The following USP43 variants were observed in gnomAD, a reference collection of about 807,000 sequenced individuals.
The protein encoded by USP43 is ubiquitin specific peptidase 43, also known as ubiquitin carboxyl-terminal hydrolase 43.
Under a neutral mutation model 90.7 loss-of-function variants are expected in USP43, and 33 were observed. The ratio of observed to expected loss-of-function variants is 0.36; its 90% CI spans 0.28 to 0.49. The LOEUF (loss-of-function observed/expected upper bound fraction) is 0.49, where lower values mean the gene tolerates loss of function less well. Ranked by LOEUF, USP43 falls within the 20% of genes least tolerant of loss-of-function variation. The pLI, the probability that USP43 is intolerant of heterozygous loss-of-function variation, is 0.98. For synonymous variants in USP43, 598 were observed against 615.8 expected (o/e 0.97, Z 0.43); for missense variants, 1,274 against 1,476.4 (o/e 0.86, Z 2.25).
intron 1 of USP43, among the ~76,000 whole-genome samples, chr17:9,648,628 T>C (rs913438279): frequency 4.6e-5 from 7 of 152,024 alleles, no homozygotes; most frequent in Non-Finnish European, 7.4e-5. Context: ...GAGTTGAATT[T>C]TGAAGGATTA....
In USP43 at chr17:9,700,261, G is replaced by A. The variant is rs766192063; in HGVS notation, c.1535+12G>A. Reference sequence around the variant, plus strand: ...TCTGTCAAGGAGCGGTGAGTTCAAGGGAATTTGCCACCTGCAGAGCTGAGA... The same window carrying A: ...TCTGTCAAGGAGCGGTGAGTTCAAGAGAATTTGCCACCTGCAGAGCTGAGA... On this transcript the variant is annotated intron_variant, in intron 10 of 14. Transcript: ENST00000285199. 21 of 1,585,526 alleles carry A rather than the reference G, an allele frequency of 1.3e-5. No individual in the cohort carries two copies. The Admixed American group carries it at 1.6e-4, about 12-fold the overall frequency.
chr17:9,681,213 C>CACTATATATAATATATTATATAGTATAT (rs1914198790), intron 6 of USP43, among the ~76,000 whole-genome samples: 1 of 48,882 alleles, frequency 2.0e-5, no homozygotes, highest in African/African-American at 1.6e-4. Context: ...ATAATATATA[C>CACTATATATAATATATTATATAGTATAT]ATTATATAGA....
rs182730507 is a variant in USP43, at chr17:9,672,059, C to T, written c.741-2832C>T. Among the ~76,000 whole-genome samples the T allele has an allele frequency of 4.0e-3, 616 of 152,198 alleles. 3 individuals are homozygous for T. Among genetic ancestry groups the T allele is most frequent in the Non-Finnish European group, 4.7e-3 (322 of 68,008 alleles). On this transcript the variant is annotated intron_variant, in intron 3 of 14. Coordinates refer to ENST00000285199, the MANE Select transcript of USP43 (RefSeq NM_153210.5). ...TCACCCATGCTGGAGTGCAATGGCG[C>T]GATCTCAGCTCACTGCAACCTCCGC...
intron 5 of USP43, among the ~76,000 whole-genome samples, chr17:9,678,460 G>A (rs1913933281): frequency 6.6e-6 from 1 of 152,058 alleles, no homozygotes; most frequent in South Asian, 2.1e-4. Flanking sequence ...AGGTTCAAGC[G>A]ATTCTCCTGC....
chr17:9,663,594 G>A (rs771974789), intron 2 of USP43, among the ~76,000 whole-genome samples: 4 of 150,348 alleles, frequency 2.7e-5, no homozygotes, highest in Admixed American at 1.3e-4. Flanking sequence ...CACTGCTCCC[G>A]CCCAGACATT....
chr17:9,709,240 C>T lies in USP43; in HGVS notation c.2012-716C>T, dbSNP rs1916051381. On this transcript the variant is annotated intron_variant, in intron 12 of 14. Coordinates refer to ENST00000285199, the MANE Select transcript of USP43 (RefSeq NM_153210.5). The surrounding 1 kb of genome is among the most constrained non-coding windows in gnomAD (Gnocchi z 5.0). ...ACTTCAGTTCTTAGAAAGAGGTATGCCATAAGCCCAATTGTGATTCTCATC... is the reference window on the plus strand; with the variant it reads ...ACTTCAGTTCTTAGAAAGAGGTATGTCATAAGCCCAATTGTGATTCTCATC... Among the ~76,000 whole-genome samples, 1 of 152,152 alleles carries T rather than the reference C, an allele frequency of 6.6e-6. No individual in the cohort carries two copies. Among genetic ancestry groups the T allele is most frequent in the African/African-American group, 2.4e-5 (1 of 41,418 alleles).
chr17:9,670,704 G>A (rs147563864), intron 3 of USP43, among the ~76,000 whole-genome samples: 5 of 152,256 alleles, frequency 3.3e-5, no homozygotes, highest in Non-Finnish European at 5.9e-5. Flanking sequence ...GGGATGAATC[G>A]GGGGTGGGGA....
At chr17:9,719,304 C>T (rs1253901909) in intron 14 of USP43, among the ~76,000 whole-genome samples, 4 of 152,118 alleles carry the variant, frequency 2.6e-5, no homozygotes, top group Admixed American at 6.5e-5. Flanking sequence ...CAGGAGGAGG[C>T]GATTTCAAAG....
At chr17:9,678,083 T>G (rs1913907196) in intron 5 of USP43, among the ~76,000 whole-genome samples, 1 of 152,104 alleles carries the variant, frequency 6.6e-6, no homozygotes, top group Non-Finnish European at 1.5e-5. Context: ...GTGAGAGTCC[T>G]GGGGAGAAAG....
intron 8 of USP43, among the ~76,000 whole-genome samples, chr17:9,690,468 T>C (rs1914871514): frequency 6.6e-6 from 1 of 152,342 alleles, no homozygotes; most frequent in African/African-American, 2.4e-5. Flanking sequence ...CATAAGTGTA[T>C]ATTAATTACA....
chr17:9,675,038 C>T (rs1216839195), intron 4 of USP43, 55 bp downstream of exon 4: 18 of 1,506,924 alleles, frequency 1.2e-5, no homozygotes, highest in African/African-American at 2.7e-5. Flanking sequence ...TTACTCATTA[C>T]GGGGAAGCTT....
rs368384262 is a variant in USP43 at position 9,728,229 on chromosome 17, G to A, written c.2611G>A (p.Ala871Thr). The A allele has an allele frequency of 2.6e-5, 42 of 1,613,738 alleles. No homozygotes were observed. The highest frequency in any genetic ancestry group is 3.2e-5 in the Non-Finnish European group (38 of 1,179,868). Residue 871 changes from alanine (A) to threonine (T), a missense_variant, in exon 15 of 15, where the codon GCC becomes ACC. By Grantham distance (58) the Ala-to-Thr change is moderately conservative. Around this residue, in one of 6 missense-constraint regions of USP43, gnomAD observed 353 missense variants for 329.7 expected, o/e 1.07. Transcript: ENST00000285199. This position sits in a 1 kb window ranked among gnomAD's most constrained non-coding sequence, Gnocchi z 6.2. Reference protein sequence around the residue: ...EKSASPRSNVALPANSEDGGR... With the variant: ...EKSASPRSNVTLPANSEDGGR... ...GTCAGCATCGCCGAGGTCCAACGTC[G>A]CCCTTCCTGCTAACAGCGAAGATGG...
At chr17:9,666,371 A>G (rs114116167) in intron 2 of USP43, among the ~76,000 whole-genome samples, 2,847 of 152,236 alleles carry the variant, frequency 0.019, 74 homozygotes, top group African/African-American at 0.056. Flanking sequence ...TCCAGGGGGA[A>G]CGGGTGAGGC....
chr17:9,684,529 T>C lies in USP43; in HGVS notation c.1241+1571T>C, dbSNP rs185032353. ...CTGTAATCCCAGCACTTTGAGAGGC[T>C]GAGGCGGGCGGATCACCTGAGGTCA... On this transcript the variant is annotated intron_variant, in intron 7 of 14. Coordinates refer to ENST00000285199, the MANE Select transcript of USP43 (RefSeq NM_153210.5). Among the ~76,000 whole-genome samples the C allele has an allele frequency of 3.0e-3, 457 of 152,128 alleles. 1 individual carries two copies. The highest frequency in any genetic ancestry group is 6.2e-3 in the South Asian group (30 of 4,804).
intron 1 of USP43, among the ~76,000 whole-genome samples, chr17:9,646,683 A>C (rs1369349671): frequency 6.6e-6 from 1 of 152,202 alleles, no homozygotes; most frequent in Non-Finnish European, 1.5e-5. Flanking sequence ...GTTGGAGCTT[A>C]GGAGGCAGAT....
intron 14 of USP43, among the ~76,000 whole-genome samples, chr17:9,721,309 C>T (rs1916943123): frequency 6.6e-6 from 1 of 152,076 alleles, no homozygotes; most frequent in Non-Finnish European, 1.5e-5. Context: ...TCAGCACTTT[C>T]CAGATAGTAT....
chr17:9,691,265 C>G (rs951295470), intron 8 of USP43, among the ~76,000 whole-genome samples: 3 of 151,400 alleles, frequency 2.0e-5, no homozygotes, highest in Non-Finnish European at 4.4e-5. Context: ...CAGGCACCCG[C>G]CACCACACCT....
intron 14 of USP43, among the ~76,000 whole-genome samples, chr17:9,716,146 T>G (rs1334641541): frequency 6.6e-6 from 1 of 152,036 alleles, no homozygotes; most frequent in Non-Finnish European, 1.5e-5. Context: ...GCCTTTGTGT[T>G]CCTTCAGCCA....
chr17:9,713,941 T>G (rs568221039), intron 14 of USP43, among the ~76,000 whole-genome samples: 45 of 152,306 alleles, frequency 3.0e-4, no homozygotes, highest in Admixed American at 2.9e-3. Flanking sequence ...ACCGGTTTCA[T>G]GGAAGACAAT....
Sources: gnomAD v4.1 joint callset for allele counts (sites outside exome capture counted in the v4.1 genomes callset) on GRCh38, gnomAD v4.1.1 for gene constraint, gnomAD v4.1.1 regional missense constraint, Gnocchi (gnomAD v3.1) non-coding constraint, MANE v1.5 for transcripts, NCBI Gene and HGNC (gene_info 2026-07-23, HGNC 2026-07-21) for gene names.